Variants in MACROD2 observed in about 807,000 individuals in gnomAD.
The protein encoded by MACROD2 is mono-ADP ribosylhydrolase 2, also known as ADP-ribose glycohydrolase MACROD2.
MACROD2 carries 36 observed loss-of-function variants against 70.4 expected under a neutral mutation model. The ratio of observed to expected loss-of-function variants is 0.51; its 90% CI spans 0.39 to 0.68. The LOEUF is 0.68. Among genes scored for constraint, MACROD2 ranks in the 30% least tolerant of loss-of-function variants. The pLI, the probability that MACROD2 is intolerant of heterozygous loss-of-function variation, is 0.00. For missense variants in MACROD2, 496 were observed against 538.4 expected, an observed-to-expected ratio of 0.92 and a Z score of 0.78; for synonymous variants, 172 against 178.8, an observed-to-expected ratio of 0.96 and a Z score of 0.30.
intron 5 of MACROD2, among the ~76,000 whole-genome samples, chr20:14,964,048 C>T (rs1291536918): frequency 6.6e-6 from 1 of 151,382 alleles, no homozygotes. Context: ...AGATTTTTTT[C>T]TGTGTTTTTT....
At chr20:14,589,887 G>A (rs184361620) in intron 4 of MACROD2, among the ~76,000 whole-genome samples, 137 of 152,176 alleles carry the variant, frequency 9.0e-4, no homozygotes, top group African/African-American at 3.1e-3. Flanking sequence ...AAAATATGCC[G>A]TTCTCATATA....
intron 14 of MACROD2, 127 bp downstream of exon 14, chr20:15,986,928 A>G (rs2147469610): frequency 3.9e-6 from 4 of 1,018,166 alleles, no homozygotes; most frequent in South Asian, 3.0e-5. Flanking sequence ...GAGGATAGCA[A>G]TAGTGTTCAA....
At chr20:16,024,551 A>G (rs2067051554) in intron 15 of MACROD2, among the ~76,000 whole-genome samples, 1 of 151,924 alleles carries the variant, frequency 6.6e-6, no homozygotes, top group African/African-American at 2.4e-5. Flanking sequence ...ACACATGCCA[A>G]CTACCACATA....
chr20:14,131,393 CA>C (rs1456560885), intron 3 of MACROD2, among the ~76,000 whole-genome samples: 1 of 151,932 alleles, frequency 6.6e-6, no homozygotes, highest in Non-Finnish European at 1.5e-5. Context: ...TACATTTATC[CA>C]AAATAAGCTA....
At chr20:15,753,769 C>G (rs922747034) in intron 8 of MACROD2, among the ~76,000 whole-genome samples, 8 of 152,300 alleles carry the variant, frequency 5.3e-5, no homozygotes, top group African/African-American at 1.9e-4. Context: ...TGCAGCCTCA[C>G]CAGCATCTGT....
intron 7 of MACROD2, among the ~76,000 whole-genome samples, chr20:15,461,946 T>C (rs1390741111): frequency 6.6e-6 from 1 of 152,170 alleles, no homozygotes; most frequent in African/African-American, 2.4e-5. Context: ...AAATAAGATT[T>C]TTTTTTTCTT....
intron 5 of MACROD2, among the ~76,000 whole-genome samples, chr20:15,222,650 C>T (rs1278732984): frequency 6.6e-6 from 1 of 152,172 alleles, no homozygotes; most frequent in Non-Finnish European, 1.5e-5. Flanking sequence ...ACCGATTATG[C>T]TTATGAATAC....
intron 3 of MACROD2, among the ~76,000 whole-genome samples, chr20:14,451,170 A>T (rs1362305810): frequency 3.9e-5 from 6 of 152,060 alleles, no homozygotes; most frequent in Admixed American, 1.3e-4. Context: ...GGCCGGGTGC[A>T]GTGGTTCACA....
intron 6 of MACROD2, among the ~76,000 whole-genome samples, chr20:15,253,547 G>A (rs950837525): frequency 6.6e-6 from 1 of 152,144 alleles, no homozygotes; most frequent in Non-Finnish European, 1.5e-5. Flanking sequence ...CATACTATTT[G>A]TAAAGCAGTG....
chr20:15,827,356 C>T (rs2064008346), intron 8 of MACROD2, among the ~76,000 whole-genome samples: 1 of 151,888 alleles, frequency 6.6e-6, no homozygotes, highest in Non-Finnish European at 1.5e-5. Context: ...TATTAAATAC[C>T]TCAGATACCT....
intron 8 of MACROD2, among the ~76,000 whole-genome samples, chr20:15,582,868 CA>C (rs2048544761): frequency 6.6e-6 from 1 of 152,170 alleles, no homozygotes; most frequent in Non-Finnish European, 1.5e-5. Context: ...CTATTGTAAT[CA>C]AGTTCTGTCG....
At chr20:15,370,017 AAG>A (rs1210256740) in intron 6 of MACROD2, among the ~76,000 whole-genome samples, 1 of 152,138 alleles carries the variant, frequency 6.6e-6, no homozygotes, top group Non-Finnish European at 1.5e-5. Flanking sequence ...TTTTGAGAAA[AAG>A]AGAAAATGCA....
intron 8 of MACROD2, among the ~76,000 whole-genome samples, chr20:15,815,634 G>C (rs2063865766): frequency 6.6e-6 from 1 of 152,150 alleles, no homozygotes; most frequent in African/African-American, 2.4e-5. Context: ...TGTCCAGGTA[G>C]TTCTAAGTTT....
rs539903326 is a variant in MACROD2 at position 15,584,369 on chromosome 20, T to A, written c.645+84522T>A. Among the ~76,000 whole-genome samples the A allele has an allele frequency of 3.9e-5, 6 of 152,282 alleles. No individual in the cohort carries two copies. In the South Asian group the frequency reaches 6.2e-4, roughly 16 times the overall value. ...CTAGGAAAGGAAAATATTGCCAGCT[T>A]AACACTTGAGTTATCTGAGATAAAA... On this transcript the variant is annotated intron_variant, in intron 8 of 17. Transcript: ENST00000684519.
intron 3 of MACROD2, among the ~76,000 whole-genome samples, chr20:14,158,621 G>C (rs952825347): frequency 2.0e-5 from 3 of 152,090 alleles, no homozygotes; most frequent in Non-Finnish European, 4.4e-5. Context: ...TCATTGTTTT[G>C]TGTATGGATA....
intron 8 of MACROD2, among the ~76,000 whole-genome samples, chr20:15,726,388 G>C (rs895936161): frequency 1.3e-5 from 2 of 152,088 alleles, no homozygotes; most frequent in Admixed American, 6.6e-5. Context: ...GTGCTGCAAT[G>C]AACACACATG....
rs555829876 is a variant in MACROD2 at position 14,239,593 on chromosome 20, T to C, written c.271+153865T>C. Among the ~76,000 whole-genome samples the C allele has an allele frequency of 7.2e-5, 11 of 152,178 alleles. No individual in the cohort carries two copies. In the South Asian group the frequency reaches 2.3e-3, roughly 32 times the overall value. On this transcript the variant is annotated intron_variant, in intron 3 of 17. Coordinates refer to ENST00000684519, the MANE Select transcript of MACROD2 (RefSeq NM_001351661.2). The stretch of plus-strand genomic sequence containing the variant: ...TACAACCATCTGATCATCAAAAATG[T>C]TGACAAAAACAACCAATGGAGAAAG...
intron 16 of MACROD2, among the ~76,000 whole-genome samples, chr20:16,042,941 C>T (rs180965492): frequency 1.3e-5 from 2 of 152,138 alleles, no homozygotes; most frequent in African/African-American, 4.8e-5. Flanking sequence ...TGAAAATCAG[C>T]ATCTGCCACT....
chr20:15,300,112 G>T (rs575360783), intron 6 of MACROD2, among the ~76,000 whole-genome samples: 1 of 152,238 alleles, frequency 6.6e-6, no homozygotes, highest in Non-Finnish European at 1.5e-5. Context: ...GGTACAGCCA[G>T]AGTATGATGG....
Sources: allele counts gnomAD v4.1 joint callset (sites outside exome capture counted in the v4.1 genomes callset), GRCh38; gene constraint gnomAD v4.1.1; transcripts MANE v1.5; gene names NCBI Gene and HGNC (gene_info 2026-07-23, HGNC 2026-07-21).